Variants in RBBP5 observed in about 807,000 individuals in gnomAD.
RBBP5 encodes RB binding protein 5, histone lysine methyltransferase complex subunit.
A neutral mutation model predicts 72.2 loss-of-function variants in RBBP5; 5 were observed. The ratio of observed to expected loss-of-function variants is 0.07; its 90% CI spans 0.04 to 0.15. The LOEUF is 0.15. RBBP5 is among the 10% of genes least tolerant of loss of function. The pLI is 1.00. For missense variants in RBBP5, 322 were observed against 652.2 expected, an observed-to-expected ratio of 0.49 and a Z score of 5.51; for synonymous variants, 209 against 237.2, an observed-to-expected ratio of 0.88 and a Z score of 1.09.
At chr1:205,093,558 A>ACACACACACACACACGCACG (rs1474687926) in intron 13 of RBBP5, among the ~76,000 whole-genome samples, 1 of 115,924 alleles carries the variant, frequency 8.6e-6, no homozygotes, top group African/African-American at 3.8e-5. Flanking sequence ...ACACACACAC[A>ACACACACACACACACGCACG]CACACACACA....
chr1:205,113,744 G>A (rs1400872147), intron 3 of RBBP5, among the ~76,000 whole-genome samples: 1 of 150,562 alleles, frequency 6.6e-6, no homozygotes, highest in South Asian at 2.1e-4. Flanking sequence ...GAGTGCAGTG[G>A]CACAATCTCA....
chr1:205,101,114 T>A (rs1655803780), intron 6 of RBBP5, among the ~76,000 whole-genome samples: 2 of 152,168 alleles, frequency 1.3e-5, no homozygotes, highest in Non-Finnish European at 2.9e-5. Context: ...CTGCTCTAAG[T>A]CATGTATGGG....
chr1:205,112,112 G>C (rs1054977659), intron 3 of RBBP5, among the ~76,000 whole-genome samples: 4 of 152,138 alleles, frequency 2.6e-5, no homozygotes, highest in African/African-American at 7.2e-5. Context: ...GAGGTCAGTA[G>C]TTCAAGACCA....
chr1:205,099,295 T>C lies in RBBP5; in HGVS notation c.979-189A>G, dbSNP rs1184143941. 6.6e-6 allele frequency among the ~76,000 whole-genome samples: 1 copy of C among 152,240 alleles called. No individual in the cohort carries two copies. Among genetic ancestry groups the C allele is most frequent in the African/African-American group, 2.4e-5 (1 of 41,464 alleles). On this transcript the variant is annotated intron_variant, in intron 9 of 13. Coordinates refer to ENST00000264515, the MANE Select transcript of RBBP5 (RefSeq NM_005057.4). The surrounding 1 kb of genome is among the most constrained non-coding windows in gnomAD (Gnocchi z 4.7). ...GTATTTTCTATCTTAAACATTAAGATAAGCTAAGTTATTAACTGTAGCTCT... is the reference window on the plus strand; with the variant it reads ...GTATTTTCTATCTTAAACATTAAGACAAGCTAAGTTATTAACTGTAGCTCT...
In RBBP5 at chr1:205,090,934, T is replaced by TA. The variant is rs58545907; in HGVS notation, c.1589-2120dup. Among the ~76,000 whole-genome samples, 654 of 144,696 alleles carry TA rather than the reference T, an allele frequency of 4.5e-3. 3 individuals are homozygous for TA. Among genetic ancestry groups the TA allele is most frequent in the Middle Eastern group, 0.011 (3 of 282 alleles). 94.9% of individuals were successfully genotyped at this position (144,696 alleles called of 152,430 possible). A position where few individuals can be genotyped will look rare whatever the true frequency, so the allele number is the denominator to read the frequency against. On this transcript the variant is annotated intron_variant, in intron 13 of 13. Transcript: ENST00000264515. ...AAAAGAAAACAAAACTACCAAGCAT[T>TA]AAAAAAAAAAAAATCACAGATTCAG...
chr1:205,099,198 G>A lies in RBBP5; in HGVS notation c.979-92C>T, dbSNP rs186486701. 2 of 775,500 alleles carry A rather than the reference G, an allele frequency of 2.6e-6. No individual in the cohort carries two copies. The highest frequency in any genetic ancestry group is 2.9e-5 in the South Asian group (1 of 35,056). 48.0% of individuals were successfully genotyped at this position (775,500 alleles called of 1,614,324 possible). A position where few individuals can be genotyped will look rare whatever the true frequency, so the allele number is the denominator to read the frequency against. On this transcript the variant is annotated intron_variant, in intron 9 of 13. Coordinates refer to ENST00000264515, the MANE Select transcript of RBBP5 (RefSeq NM_005057.4). The surrounding 1 kb of genome is among the most constrained non-coding windows in gnomAD (Gnocchi z 4.7). ...TAAAATGAAAGATGTGAGCATGAAA[G>A]GAATTCACAATTCTTAGATTAAATT... is the stretch of plus-strand genomic sequence containing the variant.
intron 1 of RBBP5, 153 bp from the exon 2 acceptor site, chr1:205,116,036 C>T: frequency 1.3e-6 from 2 of 1,498,494 alleles, no homozygotes; most frequent in Non-Finnish European, 1.8e-6. Flanking sequence ...TTTTCAAGAT[C>T]CTGCTAAGAT....
chr1:205,095,855 A>C (rs1655591530), intron 12 of RBBP5, among the ~76,000 whole-genome samples: 1 of 152,224 alleles, frequency 6.6e-6, no homozygotes, highest in Non-Finnish European at 1.5e-5. Flanking sequence ...CGATAGCATC[A>C]GGAAAATAAG....
intron 13 of RBBP5, chr1:205,091,946 C>G (rs968958270): frequency 3.9e-5 from 6 of 152,116 alleles, no homozygotes; most frequent in Non-Finnish European, 8.8e-5. Flanking sequence ...TGAAAATCTC[C>G]AAGGTGTGGA....
chr1:205,113,147 G>A (rs1039985371), intron 3 of RBBP5, among the ~76,000 whole-genome samples: 2 of 152,004 alleles, frequency 1.3e-5, no homozygotes, highest in South Asian at 2.1e-4. Flanking sequence ...AAATCTATAC[G>A]TACAAAGTAG....
chr1:205,105,087 A>G lies in RBBP5; in HGVS notation c.300T>C (p.Cys100=). ...VSQWDVLSGD[C]DQRFRFPSPI... is the part of the protein sequence containing the mutation. ...GTGAAGGGAATCGAAACCTCTGGTC[A>G]CAGTCGCCTGAAAGAACATCCCACT... Residue 100 remains cysteine (C), a synonymous_variant, in exon 4 of 14, where the codon TGT becomes TGC. Coordinates refer to ENST00000264515, the MANE Select transcript of RBBP5 (RefSeq NM_005057.4). The G allele has an allele frequency of 6.2e-7, 1 of 1,614,094 alleles. No homozygotes were observed. Among genetic ancestry groups the G allele is most frequent in the Non-Finnish European group, 8.5e-7 (1 of 1,180,014 alleles).
intron 3 of RBBP5, among the ~76,000 whole-genome samples, chr1:205,108,869 T>A (rs1371200608): frequency 6.6e-6 from 1 of 152,206 alleles, no homozygotes; most frequent in East Asian, 1.9e-4. Context: ...AGAAGGCTGT[T>A]GAAAGAATTT....
chr1:205,102,999 A>T (rs1655904095), intron 5 of RBBP5, among the ~76,000 whole-genome samples: 1 of 150,722 alleles, frequency 6.6e-6, no homozygotes. Flanking sequence ...TCCATCTCAA[A>T]AAAAAAAAAA....
chr1:205,121,486 C>G (rs1402812309), intron 1 of RBBP5, among the ~76,000 whole-genome samples: 1 of 152,208 alleles, frequency 6.6e-6, no homozygotes, highest in Non-Finnish European at 1.5e-5. Flanking sequence ...CCTGTTCAGG[C>G]ACCCAATTCC....
chr1:205,098,354 G>C (rs952211896), intron 10 of RBBP5, among the ~76,000 whole-genome samples: 2 of 152,182 alleles, frequency 1.3e-5, no homozygotes, highest in African/African-American at 4.8e-5. Flanking sequence ...TTAGCATGGT[G>C]AGTTCTTTGC....
intron 13 of RBBP5, chr1:205,091,587 A>G (rs1275271384): frequency 6.6e-6 from 1 of 152,212 alleles, no homozygotes; most frequent in South Asian, 2.1e-4. Context: ...TTTCCCTTGA[A>G]ATGCATACTC....
intron 1 of RBBP5, among the ~76,000 whole-genome samples, chr1:205,118,157 T>G (rs543130743): frequency 6.6e-6 from 1 of 152,094 alleles, no homozygotes; most frequent in Non-Finnish European, 1.5e-5. Context: ...GCTCATTTAT[T>G]GTGGTTCCCT....
chr1:205,087,553 G>GAAAAAA lies in RBBP5; in HGVS notation c.*1228_*1233dup, dbSNP rs61068820. The GAAAAAA allele has an allele frequency of 2.6e-5, 2 of 77,118 alleles. No individual in the cohort carries two copies. Among genetic ancestry groups the GAAAAAA allele is most frequent in the Admixed American group, 1.4e-4 (1 of 6,966 alleles). The allele number at this position is 77,118 out of a possible 1,614,324, so 4.8% of individuals were successfully genotyped here. ...ATTTAAATTCTCCTTTTAAAATATT[G>GAAAAAA]AAAAAAAAAAAAAAAAAAAAAAGAC... is the stretch of plus-strand genomic sequence containing the variant. On this transcript the variant is annotated 3_prime_UTR_variant, in exon 14 of 14. Coordinates refer to ENST00000264515, the MANE Select transcript of RBBP5 (RefSeq NM_005057.4).
intron 13 of RBBP5, among the ~76,000 whole-genome samples, chr1:205,090,243 A>G (rs1383769925): frequency 6.6e-6 from 1 of 152,178 alleles, no homozygotes; most frequent in African/African-American, 2.4e-5. Context: ...AATTTTCACC[A>G]ACTATTCCCA....
Sources: allele counts gnomAD v4.1 joint callset (sites outside exome capture counted in the v4.1 genomes callset), GRCh38; gene constraint gnomAD v4.1.1; non-coding constraint Gnocchi (gnomAD v3.1); transcripts MANE v1.5; gene names NCBI Gene and HGNC (gene_info 2026-07-23, HGNC 2026-07-21).